XKR6: variants seen among roughly 807,000 people sequenced by gnomAD.
XKR6 encodes the protein XK-related protein 6.
A neutral mutation model predicts 56.7 loss-of-function variants in XKR6; 22 were observed. The ratio of observed to expected loss-of-function variants is 0.39; its 90% CI spans 0.28 to 0.55. The LOEUF (loss-of-function observed/expected upper bound fraction) is 0.55. XKR6 is among the 20% of genes least tolerant of loss of function. The probability of loss-of-function intolerance (pLI) is 0.66; values close to 1 mark genes in which losing one functional copy is unlikely to be tolerated. For synonymous variants in XKR6, 524 were observed against 387.8 expected (o/e 1.35, Z -4.13); for missense variants, 852 against 889.0 (o/e 0.96, Z 0.53).
chr8:10,987,677 G>A (rs6601545), intron 1 of XKR6, among the ~76,000 whole-genome samples: 54,335 of 152,050 alleles, frequency 0.36, 10,790 homozygotes, highest in African/African-American at 0.51. Context: ...TCTGCTCAAA[G>A]CCCTACCATG....
chr8:11,048,075 A>G (rs940587404), intron 1 of XKR6, among the ~76,000 whole-genome samples: 1 of 152,166 alleles, frequency 6.6e-6, no homozygotes, highest in African/African-American at 2.4e-5. Context: ...GAGTGATAAC[A>G]AGGGGACTGT....
intron 1 of XKR6, among the ~76,000 whole-genome samples, chr8:11,032,231 A>G (rs1280831195): frequency 6.6e-6 from 1 of 152,202 alleles, no homozygotes; most frequent in Non-Finnish European, 1.5e-5. Context: ...TGTCAAAAAT[A>G]TCTCCCCTCC....
At chr8:11,117,571 T>C (rs28417109) in intron 1 of XKR6, among the ~76,000 whole-genome samples, 2 of 151,976 alleles carry the variant, frequency 1.3e-5, no homozygotes, top group Admixed American at 6.5e-5. Context: ...TCACATTTAA[T>C]CTGAAAATGT....
intron 1 of XKR6, chr8:11,125,755 G>T (rs1357852661): frequency 6.6e-6 from 1 of 152,008 alleles, no homozygotes; most frequent in Non-Finnish European, 1.5e-5. Context: ...TTCCATTTCT[G>T]TCCACTGTTC....
At chr8:10,949,943 GCTCCTC>G (rs1801668159) in intron 1 of XKR6, among the ~76,000 whole-genome samples, 1 of 152,186 alleles carries the variant, frequency 6.6e-6, no homozygotes, top group Admixed American at 6.5e-5. Flanking sequence ...TGTGCTCACA[GCTCCTC>G]CAACATGGCC....
At chr8:11,019,917 G>C (rs181573075) in intron 1 of XKR6, among the ~76,000 whole-genome samples, 1 of 152,174 alleles carries the variant, frequency 6.6e-6, no homozygotes, top group Admixed American at 6.5e-5. Context: ...GGGCCAGAGT[G>C]GGGCAGAGAG....
intron 1 of XKR6, among the ~76,000 whole-genome samples, chr8:11,059,628 G>A (rs191770876): frequency 6.6e-6 from 1 of 151,112 alleles, no homozygotes; most frequent in South Asian, 2.1e-4. Flanking sequence ...GGCGCGGGGG[G>A]CGCGGGGCGG....
chr8:11,063,320 TAA>T (rs879575972), intron 1 of XKR6, among the ~76,000 whole-genome samples: 1 of 140,924 alleles, frequency 7.1e-6, no homozygotes, highest in Non-Finnish European at 1.6e-5. Flanking sequence ...GAACAAAAAG[TAA>T]AAAAAAAAAA....
intron 1 of XKR6, among the ~76,000 whole-genome samples, chr8:11,044,324 A>G (rs139195042): frequency 6.6e-6 from 1 of 152,326 alleles, no homozygotes; most frequent in African/African-American, 2.4e-5. Context: ...CCCTTCATGA[A>G]TATTCATAGC....
intron 1 of XKR6, among the ~76,000 whole-genome samples, chr8:11,151,843 C>A (rs1422742474): frequency 6.6e-6 from 1 of 151,900 alleles, no homozygotes; most frequent in Non-Finnish European, 1.5e-5. Context: ...AGGGGAAGAA[C>A]AATTAATAAA....
At chr8:11,059,500 T>G (rs1294700420) in intron 1 of XKR6, among the ~76,000 whole-genome samples, 2 of 151,936 alleles carry the variant, frequency 1.3e-5, no homozygotes, top group African/African-American at 4.8e-5. Context: ...CGGAGCCATC[T>G]GCTGCGCGGG....
intron 1 of XKR6, among the ~76,000 whole-genome samples, chr8:11,028,946 C>T (rs1256673736): frequency 6.6e-6 from 1 of 152,130 alleles, no homozygotes. Flanking sequence ...TAGGCTGCTC[C>T]CTGGTACCTG....
chr8:11,128,029 T>G (rs7002523), intron 1 of XKR6, among the ~76,000 whole-genome samples: 7,727 of 152,314 alleles, frequency 0.051, 281 homozygotes, highest in South Asian at 0.081. Context: ...ATTTGATTTA[T>G]CAGTGGAGGG....
At chr8:10,966,082 A>T (rs1338753638) in intron 1 of XKR6, among the ~76,000 whole-genome samples, 1 of 151,822 alleles carries the variant, frequency 6.6e-6, no homozygotes, top group Non-Finnish European at 1.5e-5. Context: ...GGTGGGGAGG[A>T]GGATTGCTAA....
At chr8:10,906,090 C>T (rs1462649593) in intron 2 of XKR6, among the ~76,000 whole-genome samples, 2 of 152,182 alleles carry the variant, frequency 1.3e-5, no homozygotes, top group Non-Finnish European at 2.9e-5. Flanking sequence ...TACTGAAACC[C>T]GAGACTATTT....
At chr8:10,915,494 C>T (rs1446414232) in intron 2 of XKR6, among the ~76,000 whole-genome samples, 2 of 134,522 alleles carry the variant, frequency 1.5e-5, no homozygotes, top group Non-Finnish European at 3.2e-5. Flanking sequence ...TTGAGTTTGC[C>T]TTTCTCCTGT....
At chr8:10,903,143 C>CA (rs1800088582) in intron 2 of XKR6, among the ~76,000 whole-genome samples, 1 of 152,184 alleles carries the variant, frequency 6.6e-6, no homozygotes, top group Non-Finnish European at 1.5e-5. Context: ...GCCTGCCCCC[C>CA]AGGAACTCAT....
intron 1 of XKR6, among the ~76,000 whole-genome samples, chr8:10,925,529 G>C (rs544700728): frequency 1.3e-5 from 2 of 152,220 alleles, no homozygotes; most frequent in Non-Finnish European, 2.9e-5. Flanking sequence ...GGACACAGGA[G>C]CAGATCCGCT....
chr8:10,938,356 G>A (rs1415892137), intron 1 of XKR6, among the ~76,000 whole-genome samples: 6 of 152,148 alleles, frequency 3.9e-5, no homozygotes, highest in African/African-American at 1.2e-4. Flanking sequence ...GAAATCCCCC[G>A]TCTTCTGCAT....
Sources: allele counts gnomAD v4.1 joint callset (sites outside exome capture counted in the v4.1 genomes callset), GRCh38; gene constraint gnomAD v4.1.1; transcripts MANE v1.5; gene names NCBI Gene and HGNC (gene_info 2026-07-23, HGNC 2026-07-21).